WRN: variants seen among roughly 807,000 people sequenced by gnomAD.
WRN encodes WRN RecQ like helicase.
WRN carries 149 observed loss-of-function variants against 180.7 expected under a neutral mutation model. The observed-to-expected ratio is 0.82, with a 90% CI of 0.72 to 0.94. The LOEUF is 0.94. Among genes scored for constraint, WRN ranks in the 40% least tolerant of loss-of-function variants. WRN has a pLI of 0.00. For synonymous variants in WRN, 548 were observed against 568.9 expected (o/e 0.96, Z 0.52); for missense variants, 1,661 against 1,700.1 (o/e 0.98, Z 0.40).
chr8:31,067,245 T>C lies in WRN; in HGVS notation c.654+63T>C. ...TTAAAAACATTATTATAAATGACTT[T>C]AGAAAAATTTTATTATAGTAGTGGC... On this transcript the variant is annotated intron_variant, in intron 6 of 34. Coordinates refer to ENST00000298139, the MANE Select transcript of WRN (RefSeq NM_000553.6). 5 of 1,577,676 alleles carry C rather than the reference T, an allele frequency of 3.2e-6. No individual in the cohort carries two copies. The South Asian group carries it at 5.7e-5, about 18-fold the overall frequency.
intron 34 of WRN, among the ~76,000 whole-genome samples, chr8:31,170,389 TTAAAA>T (rs77327992): frequency 0.22 from 33,332 of 151,816 alleles, 3,859 homozygotes; most frequent in South Asian, 0.28. Context: ...TGATTATAAA[TTAAAA>T]TACACAATAT....
At chr8:31,165,356 C>G (rs748647644) in intron 33 of WRN, among the ~76,000 whole-genome samples, 1 of 151,778 alleles carries the variant, frequency 6.6e-6, no homozygotes, top group East Asian at 1.9e-4. Flanking sequence ...TACTTGGTTT[C>G]GAGTGTGGGA....
At chr8:31,168,918 A>G (rs1190267190) in intron 34 of WRN, among the ~76,000 whole-genome samples, 3 of 152,180 alleles carry the variant, frequency 2.0e-5, no homozygotes, top group Non-Finnish European at 4.4e-5. Context: ...TTTAACAGAA[A>G]GGTGATGTCT....
chr8:31,116,640 C>G, intron 20 of WRN, 112 bp downstream of exon 20: 1 of 1,425,038 alleles, frequency 7.0e-7, no homozygotes, highest in Non-Finnish European at 9.7e-7. Flanking sequence ...GAACATAAAG[C>G]AGTCCCTCTG....
At chr8:31,138,077 G>A (rs62506096) in intron 24 of WRN, among the ~76,000 whole-genome samples, 35,414 of 151,732 alleles carry the variant, frequency 0.23, 4,239 homozygotes, top group South Asian at 0.29. Flanking sequence ...ACTCCAGCTT[G>A]GGTGACAAAG....
At chr8:31,069,727 G>A (rs1812836986) in intron 7 of WRN, among the ~76,000 whole-genome samples, 1 of 152,112 alleles carries the variant, frequency 6.6e-6, no homozygotes, top group Non-Finnish European at 1.5e-5. Context: ...GGATACAGAG[G>A]AATGACTGTA....
At chr8:31,112,189 C>G (rs2130286926) in intron 19 of WRN, among the ~76,000 whole-genome samples, 1 of 152,220 alleles carries the variant, frequency 6.6e-6, no homozygotes, top group East Asian at 1.9e-4. Flanking sequence ...GTCCTCCTGC[C>G]TCAGTCTCCC....
At position 31,173,414 on chromosome 8, in the gene WRN, G is replaced by A. The variant is rs189143230; in HGVS notation, c.*312G>A. 8.7e-4 allele frequency: 302 copies of A among 346,516 alleles called. 3 individuals are homozygous for A. Among genetic ancestry groups the A allele is most frequent in the African/African-American group, 5.4e-3 (263 of 48,582 alleles). 21.5% of individuals were successfully genotyped at this position (346,516 alleles called of 1,614,324 possible). ...AAACAGTGTATTTGGAAAATGTTATGTGCTCTGATTTGATATAGATAACAG... is the reference window on the plus strand; with the variant it reads ...AAACAGTGTATTTGGAAAATGTTATATGCTCTGATTTGATATAGATAACAG... On this transcript the variant is annotated 3_prime_UTR_variant, in exon 35 of 35. Coordinates refer to ENST00000298139, the MANE Select transcript of WRN (RefSeq NM_000553.6).
rs543772272 is a variant in WRN, at chr8:31,135,756, T to C, written c.2967+3250T>C. On this transcript the variant is annotated intron_variant, in intron 24 of 34. Transcript: ENST00000298139. ...GCATTCACAGTACAAAAAGCAACTGTGACTTTTAAAGAAGTTAATATGGAG... is the reference window on the plus strand; with the variant it reads ...GCATTCACAGTACAAAAAGCAACTGCGACTTTTAAAGAAGTTAATATGGAG... 2.3e-3 allele frequency among the ~76,000 whole-genome samples: 346 copies of C among 152,328 alleles called. 4 individuals are homozygous for C. The highest frequency in any genetic ancestry group is 2.8e-3 in the Non-Finnish European group (188 of 68,030).
rs776017606 is a variant in WRN at position 31,125,001 on chromosome 8, G to A, written c.2825+1G>A. 6.2e-7 allele frequency: 1 copy of A among 1,611,962 alleles called. No homozygotes were observed. Among genetic ancestry groups the A allele is most frequent in the East Asian group, 2.2e-5 (1 of 44,720 alleles). On this transcript the variant is annotated splice_donor_variant, in intron 23 of 34. Transcript: ENST00000298139. LOFTEE classifies it high-confidence loss of function. Reference sequence around the variant, plus strand: ...AATGCTGTGATAATTGCAGGTCCAGGTAAAGATTTCTTATTATAGATGGAC... The same window carrying A: ...AATGCTGTGATAATTGCAGGTCCAGATAAAGATTTCTTATTATAGATGGAC...
rs1804216159 is a variant in WRN at position 31,174,786 on chromosome 8, C to CT, written c.*1686dup. Among the ~76,000 whole-genome samples, 1 of 76,472 alleles carries CT rather than the reference C, an allele frequency of 1.3e-5. No homozygotes were observed. The highest frequency in any genetic ancestry group is 3.3e-5 in the Non-Finnish European group (1 of 30,014). The allele number at this position is 76,472 out of a possible 152,430, so 50.2% of individuals were successfully genotyped here. On this transcript the variant is annotated 3_prime_UTR_variant, in exon 35 of 35. Coordinates refer to ENST00000298139, the MANE Select transcript of WRN (RefSeq NM_000553.6). ...CTTCTTTCTCTCTTTCCTTCCTTCCCTTCCCTTCCCCTTCCTTCCTTCCTT... is the reference window on the plus strand; with the variant it reads ...CTTCTTTCTCTCTTTCCTTCCTTCCCTTTCCCTTCCCCTTCCTTCCTTCCTT...
At position 31,154,707 on chromosome 8, in the gene WRN, G is replaced by T; in HGVS notation, c.3771G>T (p.Gln1257His). Residue 1257 changes from glutamine to histidine, a missense_variant, in exon 32 of 35, where the codon CAG becomes CAT. By Grantham distance (24) the Gln-to-His change is conservative. Around this residue, in one of 3 missense-constraint regions of WRN, gnomAD observed 1,141 missense variants for 1,149.4 expected, o/e 0.99. Coordinates refer to ENST00000298139, the MANE Select transcript of WRN (RefSeq NM_000553.6). ...AAAATAAAATATGCACACTTTCACAGTCTATGGCCATCACATACTCTTTAT... is the reference window on the plus strand; with the variant it reads ...AAAATAAAATATGCACACTTTCACATTCTATGGCCATCACATACTCTTTAT... ...VAKNKICTLS[Q>H]SMAITYSLFQ... is the part of the protein sequence containing the mutation. 1 of 1,613,596 alleles carries T rather than the reference G, an allele frequency of 6.2e-7. No homozygotes were observed. Among genetic ancestry groups the T allele is most frequent in the Non-Finnish European group, 8.5e-7 (1 of 1,179,720 alleles).
At chr8:31,057,195 A>C (rs1227450264) in intron 1 of WRN, among the ~76,000 whole-genome samples, 1 of 152,210 alleles carries the variant, frequency 6.6e-6, no homozygotes, top group Non-Finnish European at 1.5e-5. Context: ...AATACGACAG[A>C]CTACCCTCAA....
chr8:31,039,012 G>A (rs1811550780), intron 1 of WRN, among the ~76,000 whole-genome samples: 1 of 152,158 alleles, frequency 6.6e-6, no homozygotes, highest in African/African-American at 2.4e-5. Context: ...GGAAACATGA[G>A]TCCTCCAACT....
chr8:31,072,755 G>T (rs1812957940), intron 7 of WRN, among the ~76,000 whole-genome samples: 2 of 152,178 alleles, frequency 1.3e-5, no homozygotes, highest in South Asian at 4.1e-4. Context: ...CTTATATGTT[G>T]GGTGCTTATG....
rs1585558906 is a variant in WRN at position 31,176,083 on chromosome 8, G to A, written c.*2981G>A. On this transcript the variant is annotated 3_prime_UTR_variant, in exon 35 of 35. Coordinates refer to ENST00000298139, the MANE Select transcript of WRN (RefSeq NM_000553.6). ...ATTATAAAGGTGTACCATGAATTAT[G>A]TACCTTACTTCATATTGTTGGACAT... Among the ~76,000 whole-genome samples the A allele has an allele frequency of 6.6e-6, 1 of 152,180 alleles. No individual in the cohort carries two copies. The highest frequency in any genetic ancestry group is 2.1e-4 in the South Asian group (1 of 4,826).
At chr8:31,120,650 T>G (rs1801691433) in intron 21 of WRN, among the ~76,000 whole-genome samples, 1 of 151,932 alleles carries the variant, frequency 6.6e-6, no homozygotes, top group African/African-American at 2.4e-5. Flanking sequence ...CAGCATGCCT[T>G]AGTTAGTGTG....
intron 18 of WRN, among the ~76,000 whole-genome samples, chr8:31,106,032 A>G (rs1387183836): frequency 6.6e-6 from 1 of 152,186 alleles, no homozygotes; most frequent in East Asian, 1.9e-4. Flanking sequence ...TGACTTCTGC[A>G]TAGCACTCCA....
At position 31,141,788 on chromosome 8, in the gene WRN, G is replaced by GT. The variant is rs758713751; in HGVS notation, c.3233+20dup. ...TGCTTCTGCCTAGGTTCATTTTTCA[G>GT]TTTTTTTCTTGTAACTTCTGCATTT... On this transcript the variant is annotated intron_variant, in intron 26 of 34. Coordinates refer to ENST00000298139, the MANE Select transcript of WRN (RefSeq NM_000553.6). 73 of 1,611,206 alleles carry GT rather than the reference G, an allele frequency of 4.5e-5. No individual in the cohort carries two copies. The South Asian group carries it at 7.6e-4, about 17-fold the overall frequency.
Sources: gnomAD v4.1 joint callset for allele counts (sites outside exome capture counted in the v4.1 genomes callset) on GRCh38, gnomAD v4.1.1 for gene constraint, gnomAD v4.1.1 regional missense constraint, MANE v1.5 for transcripts, NCBI Gene and HGNC (gene_info 2026-07-23, HGNC 2026-07-21) for gene names.